The following CCDC146 variants were observed in gnomAD, a reference collection of about 807,000 sequenced individuals.
CCDC146 encodes the protein coiled-coil domain containing 146, also known as coiled-coil domain-containing protein 146.
CCDC146 carries 92 observed loss-of-function variants against 119.3 expected under a neutral mutation model. The observed-to-expected ratio is 0.77, with a 90% CI of 0.65 to 0.92. The LOEUF is 0.92. Among genes scored for constraint, CCDC146 ranks in the 40% least tolerant of loss-of-function variants. The pLI is 0.00. For missense variants in CCDC146, 1,000 were observed against 1,103.0 expected, an observed-to-expected ratio of 0.91 and a Z score of 1.32; for synonymous variants, 372 against 371.8, an observed-to-expected ratio of 1.00 and a Z score of -0.01.
chr7:77,235,378 G>A (rs1792714819), intron 2 of CCDC146, among the ~76,000 whole-genome samples: 1 of 152,186 alleles, frequency 6.6e-6, no homozygotes, highest in African/African-American at 2.4e-5. Context: ...TCATATTTAA[G>A]CTGAGACATG....
intron 1 of CCDC146, among the ~76,000 whole-genome samples, chr7:77,147,284 C>T (rs1272580921): frequency 6.6e-6 from 1 of 152,194 alleles, no homozygotes; most frequent in Non-Finnish European, 1.5e-5. Context: ...GACTTCTCTT[C>T]ATTGGTTATT....
rs1429451137 is a variant in CCDC146, at chr7:77,287,477, T to C, written c.2315T>C (p.Leu772Pro). Reference protein sequence around the residue: ...LQLAKKEEKLLEKDFIYEQVS... With the variant: ...LQLAKKEEKLPEKDFIYEQVS... ...CTGGCCAAGAAGGAGGAGAAGCTGCTGGAGAAGGATTTCATCTATGAGCAG... is the reference window on the plus strand; with the variant it reads ...CTGGCCAAGAAGGAGGAGAAGCTGCCGGAGAAGGATTTCATCTATGAGCAG... Residue 772 changes from leucine (L) to proline (P), a missense_variant, in exon 17 of 19, where the codon CTG becomes CCG. By Grantham distance (98) the Leu-to-Pro change is moderately conservative. Around this residue, in one of 2 missense-constraint regions of CCDC146, gnomAD observed 985 missense variants for 1,045.3 expected, o/e 0.94. Coordinates refer to ENST00000285871, the MANE Select transcript of CCDC146 (RefSeq NM_020879.3). The C allele has an allele frequency of 4.3e-6, 7 of 1,614,014 alleles. No homozygotes were observed. The highest frequency in any genetic ancestry group is 3.3e-5 in the Admixed American group (2 of 60,002).
chr7:77,123,345 C>T (rs1318755513), intron 1 of CCDC146, among the ~76,000 whole-genome samples: 1 of 150,942 alleles, frequency 6.6e-6, no homozygotes, highest in Non-Finnish European at 1.5e-5. Flanking sequence ...ATCTGTGTCA[C>T]CTAGACCTGT....
intron 1 of CCDC146, among the ~76,000 whole-genome samples, chr7:77,153,125 A>T (rs1791130080): frequency 6.6e-6 from 1 of 152,184 alleles, no homozygotes; most frequent in African/African-American, 2.4e-5. Flanking sequence ...AGTCTTAGAT[A>T]AAAGAAGGAG....
At chr7:77,208,265 A>C (rs939178485) in intron 2 of CCDC146, among the ~76,000 whole-genome samples, 1 of 152,222 alleles carries the variant, frequency 6.6e-6, no homozygotes, top group African/African-American at 2.4e-5. Context: ...TGAGTCTATT[A>C]ATGACAGGAA....
rs912556466 is a variant in CCDC146 at position 77,181,055 on chromosome 7, G to C, written c.156+13231G>C. Among the ~76,000 whole-genome samples the C allele has an allele frequency of 2.6e-5, 4 of 152,188 alleles. No homozygotes were observed. In the South Asian group the frequency reaches 8.3e-4, roughly 31 times the overall value. ...ATATAGGAAGATACACAGATCAGGG[G>C]ATAATTGTCATTGAAATGATAGTTT... On this transcript the variant is annotated intron_variant, in intron 2 of 18. Transcript: ENST00000285871.
chr7:77,273,061 T>G (rs915199383), intron 9 of CCDC146, among the ~76,000 whole-genome samples: 1 of 152,226 alleles, frequency 6.6e-6, no homozygotes, highest in African/African-American at 2.4e-5. Flanking sequence ...TATATTCATG[T>G]CTCCAAAGTG....
chr7:77,265,996 C>T (rs1343757483), intron 9 of CCDC146, among the ~76,000 whole-genome samples: 5 of 152,216 alleles, frequency 3.3e-5, no homozygotes, highest in Admixed American at 2.6e-4. Context: ...AGACATCATA[C>T]TGTCATGTAA....
At chr7:77,136,291 CAATG>C (rs1256750422) in intron 1 of CCDC146, among the ~76,000 whole-genome samples, 1 of 151,940 alleles carries the variant, frequency 6.6e-6, no homozygotes, top group East Asian at 1.9e-4. Flanking sequence ...GAGCAGATAT[CAATG>C]AAATTGAAAA....
intron 1 of CCDC146, among the ~76,000 whole-genome samples, chr7:77,146,086 A>T (rs1408265866): frequency 1.3e-5 from 2 of 151,948 alleles, no homozygotes; most frequent in Admixed American, 1.3e-4. Context: ...GACTTGCTTT[A>T]TGAATCTGGG....
chr7:77,256,761 A>G lies in CCDC146; in HGVS notation c.684+252A>G, dbSNP rs537217052. 2.6e-5 allele frequency among the ~76,000 whole-genome samples: 4 copies of G among 152,310 alleles called. No individual in the cohort carries two copies. In the South Asian group the frequency reaches 6.2e-4, roughly 24 times the overall value. ...GAAAAGGTCTCTCCTGACCTCACCA[A>G]ACATTTCTGGACATTAGAAACAAGT... On this transcript the variant is annotated intron_variant, in intron 6 of 18. Transcript: ENST00000285871.
At chr7:77,269,068 A>G (rs986866954) in intron 9 of CCDC146, among the ~76,000 whole-genome samples, 3 of 152,176 alleles carry the variant, frequency 2.0e-5, no homozygotes, top group Non-Finnish European at 4.4e-5. Flanking sequence ...AATTTTGTCC[A>G]TTTGATTTTC....
chr7:77,220,637 A>C (rs1354639947), intron 2 of CCDC146, among the ~76,000 whole-genome samples: 1 of 152,182 alleles, frequency 6.6e-6, no homozygotes, highest in Non-Finnish European at 1.5e-5. Context: ...AACACTTTAT[A>C]ATACCCATTT....
intron 10 of CCDC146, 102 bp from the exon 11 acceptor site, chr7:77,274,380 A>G (rs991766818): frequency 1.2e-6 from 1 of 834,802 alleles, no homozygotes; most frequent in African/African-American, 1.7e-5. Flanking sequence ...GTTTAAAAAA[A>G]TACATTTTGT....
At chr7:77,171,232 G>A (rs1401013955) in intron 2 of CCDC146, among the ~76,000 whole-genome samples, 4 of 152,128 alleles carry the variant, frequency 2.6e-5, no homozygotes, top group African/African-American at 7.2e-5. Context: ...AATCATACCC[G>A]ATCTTTGTAC....
At chr7:77,273,530 A>ATTTATTTG (rs1793566059) in intron 9 of CCDC146, among the ~76,000 whole-genome samples, 164 bp from the exon 10 acceptor site, 1 of 151,826 alleles carries the variant, frequency 6.6e-6, no homozygotes, top group African/African-American at 2.4e-5. Flanking sequence ...TTATTTATTT[A>ATTTATTTG]TTTATTTTCA....
intron 1 of CCDC146, among the ~76,000 whole-genome samples, chr7:77,147,753 CT>C (rs917339556): frequency 3.9e-5 from 6 of 152,358 alleles, no homozygotes; most frequent in South Asian, 4.1e-4. Context: ...ATGTTTCTGC[CT>C]GATCGTTCCT....
chr7:77,161,973 A>G (rs1791269863), intron 1 of CCDC146, among the ~76,000 whole-genome samples: 1 of 151,980 alleles, frequency 6.6e-6, no homozygotes, highest in African/African-American at 2.4e-5. Context: ...ATTCAGCTCC[A>G]TTACCCATTT....
At chr7:77,176,295 C>T (rs894636950) in intron 2 of CCDC146, among the ~76,000 whole-genome samples, 1 of 151,082 alleles carries the variant, frequency 6.6e-6, no homozygotes, top group Admixed American at 6.6e-5. Context: ...AGTTAGAATG[C>T]CATTTCAGTG....
Sources: gnomAD v4.1 joint callset for allele counts (sites outside exome capture counted in the v4.1 genomes callset) on GRCh38, gnomAD v4.1.1 for gene constraint, gnomAD v4.1.1 regional missense constraint, MANE v1.5 for transcripts, NCBI Gene and HGNC (gene_info 2026-07-23, HGNC 2026-07-21) for gene names.